The following TRIO variants were observed in gnomAD, a reference collection of about 807,000 sequenced individuals.
TRIO encodes triple functional domain protein.
Under a neutral mutation model 351.9 loss-of-function variants are expected in TRIO, and 58 were observed. That is an observed-to-expected ratio of 0.16 (90% CI 0.13 to 0.21). The LOEUF (loss-of-function observed/expected upper bound fraction) is 0.21. Ranked by LOEUF, TRIO falls within the 10% of genes least tolerant of loss-of-function variation. The pLI is 1.00. For synonymous variants in TRIO, 1,758 were observed against 1,595.7 expected, an observed-to-expected ratio of 1.10 and a Z score of -2.42; for missense variants, 3,201 against 4,027.8, an observed-to-expected ratio of 0.79 and a Z score of 5.56.
chr5:14,479,485 C>T (rs1352372307), intron 42 of TRIO, 135 bp downstream of exon 42: 1 of 699,382 alleles, frequency 1.4e-6, no homozygotes, highest in Non-Finnish European at 2.3e-6. Context: ...ACTTCTGAAC[C>T]TTTCTTTCTT....
rs1488706416 is a variant in TRIO at position 14,390,999 on chromosome 5, T to C, written c.4218+9T>C. 1.3e-5 allele frequency: 21 copies of C among 1,598,108 alleles called. No individual in the cohort carries two copies. The highest frequency in any genetic ancestry group is 1.7e-5 in the Non-Finnish European group (20 of 1,174,664). ...CAGGGTCCTATTTTGACGTAAGTAA[T>C]AGATTCCTAAAGAGACCATAATTTT... On this transcript the variant is annotated intron_variant, in intron 27 of 56. Transcript: ENST00000344204.
At position 14,419,870 on chromosome 5, in the gene TRIO, A is replaced by C; in HGVS notation, c.5052A>C (p.Glu1684Asp). 1 of 1,614,188 alleles carries C rather than the reference A, an allele frequency of 6.2e-7. No homozygotes were observed. The highest frequency in any genetic ancestry group is 8.5e-7 in the Non-Finnish European group (1 of 1,180,020). The change falls in exon 34 of 57, where the codon GAA (glutamate) becomes GAC (aspartate). Residue 1684 changes from glutamate (E) to aspartate (D), a missense_variant. Transcript: ENST00000344204. ...ELTIRRGQTVEVLERPHDKPD... is the reference protein window; with the variant it reads ...ELTIRRGQTVDVLERPHDKPD... Reference sequence around the variant, plus strand: ...CCATCCGACGGGGCCAGACCGTGGAAGTTCTGGAGCGGCCGCATGACAAGC... The same window carrying C: ...CCATCCGACGGGGCCAGACCGTGGACGTTCTGGAGCGGCCGCATGACAAGC...
At position 14,152,631 on chromosome 5, in the gene TRIO, A is replaced by G. The variant is rs540381060; in HGVS notation, c.157+8749A>G. 3.2e-3 allele frequency among the ~76,000 whole-genome samples: 481 copies of G among 152,300 alleles called. 3 individuals are homozygous for G. Among genetic ancestry groups the G allele is most frequent in the South Asian group, 7.0e-3 (34 of 4,828 alleles). On this transcript the variant is annotated intron_variant, in intron 1 of 56. Transcript: ENST00000344204. ...GTGATCCACCCATCTTGGGCTCCCA[A>G]AGTGCTGGGATTACAGGCGTGAGCC...
chr5:14,474,191 C>A, intron 40 of TRIO, 94 bp downstream of exon 40: 3 of 1,227,316 alleles, frequency 2.4e-6, no homozygotes, highest in Non-Finnish European at 3.5e-6. Context: ...TTCTGTTCAT[C>A]GTATTACCTG....
intron 34 of TRIO, among the ~76,000 whole-genome samples, chr5:14,444,473 T>C (rs1385345337): frequency 5.9e-5 from 9 of 152,198 alleles, no homozygotes; most frequent in Non-Finnish European, 1.3e-4. Context: ...CAGTATAGGA[T>C]AGTGGGAATG....
At chr5:14,387,037 C>T (rs1436361344) in intron 21 of TRIO, among the ~76,000 whole-genome samples, 1 of 152,220 alleles carries the variant, frequency 6.6e-6, no homozygotes, top group African/African-American at 2.4e-5. Flanking sequence ...TCCAGTTGGG[C>T]ACAAAGAGTA....
intron 53 of TRIO, among the ~76,000 whole-genome samples, chr5:14,501,224 C>T (rs891648388): frequency 6.6e-6 from 1 of 152,204 alleles, no homozygotes; most frequent in Non-Finnish European, 1.5e-5. Flanking sequence ...ATGCTTCTCT[C>T]TCAGTACTCC....
chr5:14,155,607 T>C (rs1788060248), intron 1 of TRIO, among the ~76,000 whole-genome samples: 1 of 152,214 alleles, frequency 6.6e-6, no homozygotes. Flanking sequence ...GACGATTACA[T>C]GGTGGTTATT....
At chr5:14,151,376 G>A (rs1787818119) in intron 1 of TRIO, among the ~76,000 whole-genome samples, 1 of 102,038 alleles carries the variant, frequency 9.8e-6, no homozygotes, top group African/African-American at 4.9e-5. Flanking sequence ...CATTGTGTGT[G>A]TGTGTGTGTT....
chr5:14,181,274 T>C (rs1250024606), intron 1 of TRIO, among the ~76,000 whole-genome samples: 2 of 152,240 alleles, frequency 1.3e-5, no homozygotes, highest in East Asian at 3.8e-4. Flanking sequence ...AAAGGAAATG[T>C]CCTTTCAGAT....
intron 1 of TRIO, among the ~76,000 whole-genome samples, chr5:14,163,804 A>G (rs1262678486): frequency 6.6e-6 from 1 of 152,246 alleles, no homozygotes; most frequent in East Asian, 1.9e-4. Context: ...AGTTAGACAT[A>G]TATTAACACA....
chr5:14,421,093 C>A (rs964501872), intron 34 of TRIO, among the ~76,000 whole-genome samples: 2 of 152,114 alleles, frequency 1.3e-5, no homozygotes, highest in Non-Finnish European at 2.9e-5. Flanking sequence ...CCTCACAAAC[C>A]CTCTAATGCC....
At chr5:14,294,981 T>C (rs534968528) in intron 6 of TRIO, among the ~76,000 whole-genome samples, 4 of 152,308 alleles carry the variant, frequency 2.6e-5, no homozygotes, top group African/African-American at 7.2e-5. Flanking sequence ...CTGTTACTTT[T>C]CTAAGTTAAA....
chr5:14,364,826 C>G lies in TRIO; in HGVS notation c.2754+10C>G. ...GGCAGAAGTGAAACAGGTGAGCAAA[C>G]GACTGGATGCTTGGGGAGGCTGCGC... On this transcript the variant is annotated intron_variant, in intron 15 of 56. Transcript: ENST00000344204. The G allele has an allele frequency of 6.2e-7, 1 of 1,603,236 alleles. No homozygotes were observed. Among genetic ancestry groups the G allele is most frequent in the Non-Finnish European group, 8.5e-7 (1 of 1,175,300 alleles).
chr5:14,305,323 G>A (rs1023927733), intron 8 of TRIO, among the ~76,000 whole-genome samples: 4 of 152,206 alleles, frequency 2.6e-5, no homozygotes, highest in African/African-American at 7.2e-5. Context: ...ATGGGTTGAC[G>A]AGTACCACCC....
rs779222402 is a variant in TRIO, at chr5:14,368,694, TTC to T, written c.2875-10_2875-9del. 2.5e-5 allele frequency: 40 copies of T among 1,606,006 alleles called. No homozygotes were observed. The highest frequency in any genetic ancestry group is 6.7e-5 in the Admixed American group (4 of 59,628). The stretch of plus-strand genomic sequence containing the variant: ...ACTGACAAATAAGCCTTCCCTTTTG[TTC>T]TCTGTCTCTAGAAAACACATCAGAG... On this transcript the variant is annotated splice_polypyrimidine_tract_variant and intron_variant, in intron 16 of 56. Coordinates refer to ENST00000344204, the MANE Select transcript of TRIO (RefSeq NM_007118.4).
chr5:14,470,626 A>G (rs115345673), intron 37 of TRIO, among the ~76,000 whole-genome samples: 135 of 152,368 alleles, frequency 8.9e-4, no homozygotes, highest in African/African-American at 2.9e-3. Flanking sequence ...ATGAGGTTCT[A>G]CTGGGGATAC....
At chr5:14,400,491 A>T (rs182738939) in intron 30 of TRIO, among the ~76,000 whole-genome samples, 2 of 152,324 alleles carry the variant, frequency 1.3e-5, no homozygotes, top group African/African-American at 4.8e-5. Flanking sequence ...TATTGATGAA[A>T]TACTAAAAGC....
chr5:14,500,336 G>A (rs965303551), intron 53 of TRIO, among the ~76,000 whole-genome samples: 3 of 152,142 alleles, frequency 2.0e-5, no homozygotes, highest in Admixed American at 2.0e-4. Flanking sequence ...AGCTGTCTGG[G>A]GTGTGCGCCC....
Sources: allele counts gnomAD v4.1 joint callset (sites outside exome capture counted in the v4.1 genomes callset), GRCh38; gene constraint gnomAD v4.1.1; transcripts MANE v1.5; gene names NCBI Gene and HGNC (gene_info 2026-07-23, HGNC 2026-07-21).